Variants in SMIM36 observed in about 807,000 individuals in gnomAD.
SMIM36 encodes the protein small integral membrane protein 36.
chr17:55,465,861 A>G (rs1909227214), intron 4 of SMIM36, among the ~76,000 whole-genome samples: 1 of 152,114 alleles, frequency 6.6e-6, no homozygotes, highest in Non-Finnish European at 1.5e-5. Flanking sequence ...GGTTTTGATG[A>G]AGCCAGTCTC....
the SMIM36 span, among the ~76,000 whole-genome samples, chr17:55,518,635 G>C: frequency 1.3e-5 from 2 of 152,130 alleles, no homozygotes; most frequent in Non-Finnish European, 2.9e-5. Context: ...ATTTTGAGGA[G>C]TTTGGTTGTG....
the SMIM36 span, among the ~76,000 whole-genome samples, chr17:55,517,990 G>A: frequency 6.6e-6 from 1 of 152,202 alleles, no homozygotes; most frequent in Non-Finnish European, 1.5e-5. Flanking sequence ...AGAGAGATAA[G>A]AGGAAAATCA....
the SMIM36 span, among the ~76,000 whole-genome samples, chr17:55,516,837 G>A: frequency 6.6e-6 from 1 of 152,162 alleles, no homozygotes; most frequent in Non-Finnish European, 1.5e-5. Flanking sequence ...TGGGATTACA[G>A]GCATGAGCCA....
In SMIM36 at chr17:55,490,312, G is replaced by A. The variant is rs182814612; in HGVS notation, c.*175-10732C>T. Among the ~76,000 whole-genome samples, 5 of 152,192 alleles carry A rather than the reference G, an allele frequency of 3.3e-5. No individual in the cohort carries two copies. The East Asian group carries it at 5.8e-4, about 18-fold the overall frequency. On this transcript the variant is annotated intron_variant, in intron 1 of 4. Transcript: ENST00000636752. ...TGCCAGGTGGTATCCTGAGCAGGGC[G>A]CTTTTCCTGTCTGCTTCTTTTTGCT...
At chr17:55,451,116 A>G (rs1436119977) in intron 4 of SMIM36, among the ~76,000 whole-genome samples, 1 of 152,144 alleles carries the variant, frequency 6.6e-6, no homozygotes, top group Non-Finnish European at 1.5e-5. Flanking sequence ...CGAACTCCTG[A>G]CCTCATAATC....
At chr17:55,518,988 T>C in the SMIM36 span, among the ~76,000 whole-genome samples, 7,012 of 151,742 alleles carry the variant, frequency 0.046, 514 homozygotes, top group African/African-American at 0.16. Flanking sequence ...TCATCTGATA[T>C]TTGGGTTTTT....
At chr17:55,493,361 A>G (rs1909746298) in intron 1 of SMIM36, among the ~76,000 whole-genome samples, 1 of 152,242 alleles carries the variant, frequency 6.6e-6, no homozygotes, top group African/African-American at 2.4e-5. Context: ...TTAGAACCCC[A>G]TAACCCCAGG....
At chr17:55,491,772 T>C (rs906158415) in intron 1 of SMIM36, among the ~76,000 whole-genome samples, 12 of 152,114 alleles carry the variant, frequency 7.9e-5, no homozygotes, top group African/African-American at 2.7e-4. Context: ...GTAAAGCTGA[T>C]AGAACAGAAA....
the SMIM36 span, among the ~76,000 whole-genome samples, chr17:55,522,372 C>T: frequency 6.6e-6 from 1 of 152,170 alleles, no homozygotes; most frequent in South Asian, 2.1e-4. Flanking sequence ...GTTCTCACAT[C>T]GCTAATAAAA....
intron 1 of SMIM36, among the ~76,000 whole-genome samples, chr17:55,486,582 G>A (rs1354040358): frequency 6.6e-6 from 1 of 151,912 alleles, no homozygotes. Flanking sequence ...TTGGGGCCTT[G>A]GATGTTGCAT....
At chr17:55,514,150 CAT>C (rs1910227556), upstream of SMIM36, among the ~76,000 whole-genome samples, 1 of 152,020 alleles carries the variant, frequency 6.6e-6, no homozygotes, top group Non-Finnish European at 1.5e-5. Context: ...TAACCTCACC[CAT>C]CTTTCCTTCT....
intron 1 of SMIM36, among the ~76,000 whole-genome samples, chr17:55,481,375 A>C (rs1353284710): frequency 1.3e-5 from 2 of 152,220 alleles, no homozygotes; most frequent in Admixed American, 1.3e-4. Flanking sequence ...CTAAATGCCC[A>C]ATAACCAGGC....
chr17:55,490,006 G>A (rs1338467000), intron 1 of SMIM36, among the ~76,000 whole-genome samples: 2 of 148,350 alleles, frequency 1.3e-5, no homozygotes, highest in South Asian at 2.1e-4. Flanking sequence ...CTGCCACTGC[G>A]CCTGGCAATA....
chr17:55,529,520 C>T, the SMIM36 span, among the ~76,000 whole-genome samples: 1 of 152,076 alleles, frequency 6.6e-6, no homozygotes, highest in Non-Finnish European at 1.5e-5. Flanking sequence ...GTAATCCCAG[C>T]ACTTTGGGAG....
the SMIM36 span, among the ~76,000 whole-genome samples, chr17:55,516,643 C>T: frequency 6.7e-6 from 1 of 150,110 alleles, no homozygotes; most frequent in Non-Finnish European, 1.5e-5. Context: ...ACTGCAAACT[C>T]CGCCTCCCGG....
At chr17:55,503,918 T>G (rs1231490759) in intron 1 of SMIM36, among the ~76,000 whole-genome samples, 1 of 129,386 alleles carries the variant, frequency 7.7e-6, no homozygotes, top group East Asian at 2.2e-4. Context: ...AGGCAGGGGT[T>G]GCAATCCTAG....
the SMIM36 span, among the ~76,000 whole-genome samples, chr17:55,531,149 G>A: frequency 6.6e-6 from 1 of 152,004 alleles, no homozygotes; most frequent in African/African-American, 2.4e-5. Flanking sequence ...GTTATTAAAG[G>A]CCAAACATCT....
At chr17:55,526,542 T>G in the SMIM36 span, among the ~76,000 whole-genome samples, 1 of 152,152 alleles carries the variant, frequency 6.6e-6, no homozygotes, top group Non-Finnish European at 1.5e-5. Context: ...TATAACACAG[T>G]GCAGGCAGCT....
the SMIM36 span, among the ~76,000 whole-genome samples, chr17:55,519,284 G>A: frequency 2.0e-4 from 31 of 152,194 alleles, no homozygotes; most frequent in African/African-American, 7.2e-4. Flanking sequence ...GGCGCAAGAG[G>A]GTGTTAGGAA....
Sources: gnomAD v4.1 joint callset for allele counts (sites outside exome capture counted in the v4.1 genomes callset) on GRCh38, gnomAD v4.1.1 for gene constraint, MANE v1.5 for transcripts, NCBI Gene and HGNC (gene_info 2026-07-23, HGNC 2026-07-21) for gene names.